The following RSPO3 variants were observed in gnomAD, a reference collection of about 807,000 sequenced individuals.
RSPO3 encodes the protein R-spondin 3.
A neutral mutation model predicts 36.5 loss-of-function variants in RSPO3; 17 were observed. The observed-to-expected ratio is 0.47, with a 90% CI of 0.32 to 0.70. RSPO3 has a LOEUF of 0.70. RSPO3 is among the 30% of genes least tolerant of loss of function. RSPO3 has a pLI of 0.04. For synonymous variants in RSPO3, 108 were observed against 107.0 expected, an observed-to-expected ratio of 1.01 and a Z score of -0.06; for missense variants, 294 against 322.5, an observed-to-expected ratio of 0.91 and a Z score of 0.68.
intron 4 of RSPO3, among the ~76,000 whole-genome samples, chr6:127,180,709 A>T (rs949996927): frequency 1.4e-4 from 22 of 151,850 alleles, no homozygotes; most frequent in African/African-American, 5.3e-4. Flanking sequence ...AAACCAGATT[A>T]AGGCTGTTCT....
At chr6:127,154,146 A>G (rs1050709430) in intron 3 of RSPO3, among the ~76,000 whole-genome samples, 1 of 152,198 alleles carries the variant, frequency 6.6e-6, no homozygotes, top group Non-Finnish European at 1.5e-5. Context: ...GTTATCTTTC[A>G]GCCTCTGCTG....
intron 1 of RSPO3, among the ~76,000 whole-genome samples, chr6:127,131,174 C>T (rs1774045906): frequency 6.6e-6 from 1 of 152,050 alleles, no homozygotes; most frequent in East Asian, 1.9e-4. Context: ...GGCCCTAGTA[C>T]AATCAATAAC....
intron 1 of RSPO3, among the ~76,000 whole-genome samples, chr6:127,147,459 T>C (rs1356818555): frequency 2.6e-5 from 4 of 152,134 alleles, no homozygotes; most frequent in African/African-American, 7.2e-5. Flanking sequence ...CTAAGGATTA[T>C]GGTTTTTTTT....
rs764574141 is a variant in RSPO3 at position 127,148,845 on chromosome 6, T to C, written c.289+6T>C. Reference sequence around the variant, plus strand: ...AGATATAAATAAGTGTACAAGTAAGTGCCCACACGAAATTGTATTTTTATC... The same window carrying C: ...AGATATAAATAAGTGTACAAGTAAGCGCCCACACGAAATTGTATTTTTATC... On this transcript the variant is annotated splice_donor_region_variant and intron_variant, in intron 2 of 4. Transcript: ENST00000356698. The C allele has an allele frequency of 6.3e-7, 1 of 1,598,388 alleles. No homozygotes were observed. The highest frequency in any genetic ancestry group is 1.1e-5 in the South Asian group (1 of 89,496).
intron 1 of RSPO3, among the ~76,000 whole-genome samples, chr6:127,126,444 C>A (rs2745357): frequency 0.094 from 14,226 of 151,944 alleles, 1,196 homozygotes; most frequent in African/African-American, 0.22. Context: ...ATATCATTTT[C>A]AACTGTGGTT....
intron 1 of RSPO3, among the ~76,000 whole-genome samples, chr6:127,141,907 G>A (rs1488267185): frequency 6.6e-6 from 1 of 152,040 alleles, no homozygotes; most frequent in East Asian, 1.9e-4. Context: ...ATATACACAT[G>A]CGCAGACATA....
rs201812666 is a variant in RSPO3 at position 127,172,330 on chromosome 6, AT to A, written c.634+16893del. 7.2e-3 allele frequency among the ~76,000 whole-genome samples: 1,088 copies of A among 151,702 alleles called. 8 individuals carry two copies. Among genetic ancestry groups the A allele is most frequent in the Non-Finnish European group, 9.4e-3 (635 of 67,746 alleles). On this transcript the variant is annotated intron_variant, in intron 4 of 4. Coordinates refer to ENST00000356698, the MANE Select transcript of RSPO3 (RefSeq NM_032784.5). ...TTTTTATAATCAGAAATTAAAAAAAATATCCAAATGCTGAGTTGCTTTAAAT... is the reference window on the plus strand; with the variant it reads ...TTTTTATAATCAGAAATTAAAAAAAAATCCAAATGCTGAGTTGCTTTAAAT...
chr6:127,129,642 T>C (rs1774011096), intron 1 of RSPO3, among the ~76,000 whole-genome samples: 1 of 152,074 alleles, frequency 6.6e-6, no homozygotes, highest in African/African-American at 2.4e-5. Flanking sequence ...CAATGCTTTT[T>C]CACTAATTTT....
chr6:127,191,834 T>C (rs771473123), intron 4 of RSPO3, among the ~76,000 whole-genome samples: 1 of 152,196 alleles, frequency 6.6e-6, no homozygotes, highest in Non-Finnish European at 1.5e-5. Flanking sequence ...CCTTCTCTAG[T>C]TTTCAGTACA....
At chr6:127,120,938 C>T (rs1773831587) in intron 1 of RSPO3, among the ~76,000 whole-genome samples, 1 of 152,254 alleles carries the variant, frequency 6.6e-6, no homozygotes, top group African/African-American at 2.4e-5. Flanking sequence ...GGTGTCCACG[C>T]GCCTGGCGGT....
intron 4 of RSPO3, among the ~76,000 whole-genome samples, chr6:127,172,667 T>A (rs1774963777): frequency 6.6e-6 from 1 of 151,902 alleles, no homozygotes; most frequent in Admixed American, 6.6e-5. Context: ...AGATTCTTTC[T>A]GATTGGACTG....
intron 4 of RSPO3, among the ~76,000 whole-genome samples, chr6:127,164,405 G>A (rs962469965): frequency 1.3e-5 from 2 of 151,922 alleles, no homozygotes; most frequent in African/African-American, 4.8e-5. Flanking sequence ...TTTCAATACT[G>A]GTTTTGAAAA....
At chr6:127,120,651 C>A (rs1773825264) in intron 1 of RSPO3, among the ~76,000 whole-genome samples, 2 of 152,230 alleles carry the variant, frequency 1.3e-5, no homozygotes, top group South Asian at 4.1e-4. Context: ...GCATGAGGGT[C>A]CCCTGAAAGC....
intron 1 of RSPO3, among the ~76,000 whole-genome samples, chr6:127,123,031 G>C (rs191101625): frequency 6.6e-6 from 1 of 151,852 alleles, no homozygotes; most frequent in Admixed American, 6.6e-5. Context: ...ATAAAACTTC[G>C]CAAGTCTTTC....
At position 127,197,383 on chromosome 6, in the gene RSPO3, T is replaced by C. The variant is rs1373788785; in HGVS notation, c.*1376T>C. On this transcript the variant is annotated 3_prime_UTR_variant, in exon 5 of 5. Transcript: ENST00000356698. The stretch of plus-strand genomic sequence containing the variant: ...CAGATCCCCCTGCATCTTCAACATT[T>C]AGTCTTTTCTTCTCCATATTTTCTA... The C allele has an allele frequency of 1.3e-6, 2 of 1,549,048 alleles. No individual in the cohort carries two copies. Among genetic ancestry groups the C allele is most frequent in the East Asian group, 2.4e-5 (1 of 40,920 alleles).
intron 4 of RSPO3, among the ~76,000 whole-genome samples, chr6:127,179,457 T>C (rs753486568): frequency 2.6e-5 from 4 of 151,854 alleles, no homozygotes; most frequent in Non-Finnish European, 5.9e-5. Context: ...TGTAGACAAA[T>C]TAGATGCTGC....
intron 1 of RSPO3, among the ~76,000 whole-genome samples, chr6:127,134,657 A>G (rs1163245264): frequency 6.6e-6 from 1 of 152,200 alleles, no homozygotes; most frequent in Non-Finnish European, 1.5e-5. Flanking sequence ...CAGAGTCTTG[A>G]AAATAACTTG....
At chr6:127,164,432 A>G (rs72959080) in intron 4 of RSPO3, among the ~76,000 whole-genome samples, 2 of 152,250 alleles carry the variant, frequency 1.3e-5, no homozygotes, top group Non-Finnish European at 2.9e-5. Context: ...TAAGTGAGGA[A>G]GAGTAACCAA....
intron 1 of RSPO3, among the ~76,000 whole-genome samples, chr6:127,145,351 A>C (rs779699178): frequency 1.9e-4 from 29 of 151,898 alleles, no homozygotes; most frequent in Non-Finnish European, 4.0e-4. Flanking sequence ...CTACTACATT[A>C]TTCTTCTCCT....
Sources: gnomAD v4.1 joint callset for allele counts (sites outside exome capture counted in the v4.1 genomes callset) on GRCh38, gnomAD v4.1.1 for gene constraint, MANE v1.5 for transcripts, NCBI Gene and HGNC (gene_info 2026-07-23, HGNC 2026-07-21) for gene names.